Variants in IQSEC3 observed in about 807,000 individuals in gnomAD.
IQSEC3 encodes the protein IQ motif and SEC7 domain-containing protein 3.
Under a neutral mutation model 105.4 loss-of-function variants are expected in IQSEC3, and 50 were observed. The ratio of observed to expected loss-of-function variants is 0.47; its 90% CI spans 0.38 to 0.60. The LOEUF (loss-of-function observed/expected upper bound fraction) is 0.60. Ranked by LOEUF, IQSEC3 falls within the 20% of genes least tolerant of loss-of-function variation. IQSEC3 has a pLI of 0.00. For missense variants in IQSEC3, 1,415 were observed against 1,630.0 expected (o/e 0.87, Z 2.27); for synonymous variants, 708 against 746.0 (o/e 0.95, Z 0.83).
chr12:162,754 T>C (rs782778741), intron 8 of IQSEC3, among the ~76,000 whole-genome samples: 1 of 152,170 alleles, frequency 6.6e-6, no homozygotes, highest in Non-Finnish European at 1.5e-5. Flanking sequence ...TGCAAGCGAC[T>C]GGTTTGTCTT....
rs1205529999 is a variant in IQSEC3 at position 157,475 on chromosome 12, G to A, written c.2277-53G>A. ...GACACCCCCTTCCTTTGTTGGGCCC[G>A]GGGGAGGGTGGGCGGGGGCTCAGCG... On this transcript the variant is annotated intron_variant, in intron 6 of 13. Coordinates refer to ENST00000538872, the MANE Select transcript of IQSEC3 (RefSeq NM_001170738.2). The A allele has an allele frequency of 3.0e-5, 45 of 1,515,008 alleles. No individual in the cohort carries two copies. In the African/African-American group the frequency reaches 5.3e-4, roughly 18 times the overall value. 93.8% of individuals were successfully genotyped at this position (1,515,008 alleles called of 1,614,324 possible). A position where few individuals can be genotyped will look rare whatever the true frequency, so the allele number is the denominator to read the frequency against.
At chr12:88,069 G>A (rs559785253) in intron 1 of IQSEC3, among the ~76,000 whole-genome samples, 10 of 152,200 alleles carry the variant, frequency 6.6e-5, no homozygotes, top group Non-Finnish European at 1.3e-4. Context: ...CTGGCTTCCC[G>A]AAGCAGCAGG....
intron 8 of IQSEC3, 98 bp downstream of exon 8, chr12:162,163 T>C: frequency 2.3e-6 from 3 of 1,329,384 alleles, no homozygotes; most frequent in Admixed American, 4.1e-5. Context: ...AACTCTTTTT[T>C]CATATTCATT....
chr12:92,849 G>A (rs1864132222), intron 1 of IQSEC3, among the ~76,000 whole-genome samples: 1 of 152,202 alleles, frequency 6.6e-6, no homozygotes, highest in Admixed American at 6.5e-5. Context: ...GCTGGTTCTT[G>A]CTGTATTGAG....
chr12:106,637 T>C (rs1456953693), intron 2 of IQSEC3: 3 of 152,260 alleles, frequency 2.0e-5, no homozygotes, highest in East Asian at 3.8e-4. Context: ...GTCCAGGGTA[T>C]TCGGTAATGC....
intron 1 of IQSEC3, among the ~76,000 whole-genome samples, chr12:98,276 A>C (rs1864302273): frequency 6.6e-6 from 1 of 152,196 alleles, no homozygotes; most frequent in Admixed American, 6.5e-5. Flanking sequence ...GGGACCTAGG[A>C]AATCCTCTAG....
intron 2 of IQSEC3, among the ~76,000 whole-genome samples, chr12:105,345 G>T (rs1476365346): frequency 6.6e-6 from 1 of 152,242 alleles, no homozygotes; most frequent in Admixed American, 6.5e-5. Context: ...GTGGGGGCGG[G>T]AATCCTGGGG....
Position 138,394 on chromosome 12 carries a change from A to G in IQSEC3, c.1031A>G (p.Glu344Gly). ...GAGAAAATCCGCAACTCGCTTCTGG[A>G]GAGCCGCCTGCCACGGCGGATCTCC... ...NFEKIRNSLLESRLPRRISLR... is the reference protein window; with the variant it reads ...NFEKIRNSLLGSRLPRRISLR... The change falls in exon 4 of 14, where the codon GAG becomes GGG. Residue 344 changes from glutamate to glycine, a missense_variant. Around this residue, in one of 6 missense-constraint regions of IQSEC3, gnomAD observed 720 missense variants for 633.0 expected, o/e 1.14. Coordinates refer to ENST00000538872, the MANE Select transcript of IQSEC3 (RefSeq NM_001170738.2). The surrounding 1 kb of genome is among the most constrained non-coding windows in gnomAD (Gnocchi z 7.1). 6.2e-7 allele frequency: 1 copy of G among 1,610,546 alleles called. No homozygotes were observed. The highest frequency in any genetic ancestry group is 8.5e-7 in the Non-Finnish European group (1 of 1,179,814).
chr12:166,326 T>G (rs1555098450), intron 11 of IQSEC3: 1 of 175,490 alleles, frequency 5.7e-6, no homozygotes, highest in Non-Finnish European at 1.2e-5. Context: ...CTTTTAATCT[T>G]GAATCATCCC....
chr12:69,996 C>A (rs1863248633), intron 1 of IQSEC3, among the ~76,000 whole-genome samples: 1 of 152,256 alleles, frequency 6.6e-6, no homozygotes, highest in Non-Finnish European at 1.5e-5. Context: ...GGGGAGCTCC[C>A]CGCAGAACTG....
At position 136,588 on chromosome 12, in the gene IQSEC3, A is replaced by G. The variant is rs74055577; in HGVS notation, c.904-1679A>G. On this transcript the variant is annotated intron_variant, in intron 3 of 13. Coordinates refer to ENST00000538872, the MANE Select transcript of IQSEC3 (RefSeq NM_001170738.2). ...TCGCCATCCATGATCCCTGGAGAAC[A>G]ATCTGTACCCTCCCCACCCATGATC... Among the ~76,000 whole-genome samples, 743 of 152,200 alleles carry G rather than the reference A, an allele frequency of 4.9e-3. 5 individuals carry two copies. Among genetic ancestry groups the G allele is most frequent in the African/African-American group, 0.017 (720 of 41,518 alleles).
rs1938830587 is a variant in IQSEC3 at position 169,090 on chromosome 12, C to G, written c.3049C>G (p.Gln1017Glu). 1.2e-6 allele frequency: 2 copies of G among 1,613,804 alleles called. No homozygotes were observed. Among genetic ancestry groups the G allele is most frequent in the African/African-American group, 1.3e-5 (1 of 74,928 alleles). The part of the protein sequence containing the change: ...CGAQGDPQSK[Q>E]GSPTAKREAA... Reference sequence around the variant, plus strand: ...AGCCCAGGGGGACCCACAGTCAAAGCAAGGATCGCCGACAGGTGAGCCTCG... The same window carrying G: ...AGCCCAGGGGGACCCACAGTCAAAGGAAGGATCGCCGACAGGTGAGCCTCG... Residue 1017 changes from glutamine (Q) to glutamate (E), a missense_variant, in exon 12 of 14, where the codon CAA (glutamine) becomes GAA (glutamate). Coordinates refer to ENST00000538872, the MANE Select transcript of IQSEC3 (RefSeq NM_001170738.2).
At position 174,666 on chromosome 12, in the gene IQSEC3, C is replaced by T. The variant is rs779108316; in HGVS notation, c.3182C>T (p.Pro1061Leu). 136 of 1,589,450 alleles carry T rather than the reference C, an allele frequency of 8.6e-5. 1 individual carries two copies. The Middle Eastern group carries it at 2.2e-3, about 26-fold the overall frequency. Reference sequence around the variant, plus strand: ...GGGCTGGGGGCCGAGAGGGGAGCGCCGGTGCCGCCGCCAGACCTGCAGCCT... The same window carrying T: ...GGGCTGGGGGCCGAGAGGGGAGCGCTGGTGCCGCCGCCAGACCTGCAGCCT... ...NSGLGAERGAPVPPPDLQPSP... is the reference protein window; with the variant it reads ...NSGLGAERGALVPPPDLQPSP... The change falls in exon 14 of 14, where the codon CCG (proline) becomes CTG (leucine). Residue 1061 changes from proline (P) to leucine (L), a missense_variant. By Grantham distance (98) the Pro-to-Leu change is moderately conservative (BLOSUM62 -3). Transcript: ENST00000538872.
chr12:159,048 C>G (rs895042927), intron 7 of IQSEC3, among the ~76,000 whole-genome samples: 1 of 152,208 alleles, frequency 6.6e-6, no homozygotes, highest in East Asian at 1.9e-4. Flanking sequence ...CCTTCCCTGA[C>G]CCATCCCACT....
intron 1 of IQSEC3, among the ~76,000 whole-genome samples, chr12:82,616 G>T (rs1555070979): frequency 6.6e-6 from 1 of 152,144 alleles, no homozygotes; most frequent in African/African-American, 2.4e-5. Context: ...ACTCCTGGAG[G>T]AAAGTCATCA....
chr12:131,049 G>T (rs1379395119), intron 3 of IQSEC3, among the ~76,000 whole-genome samples: 4 of 53,432 alleles, frequency 7.5e-5, no homozygotes, highest in African/African-American at 2.2e-4. Flanking sequence ...CCGCTCCTCA[G>T]CACTGTGCCC....
Position 139,368 on chromosome 12 carries a change from G to A in IQSEC3, c.1991+14G>A. 2.0e-6 allele frequency: 3 copies of A among 1,527,476 alleles called. No homozygotes were observed. The highest frequency in any genetic ancestry group is 2.0e-5 in the Admixed American group (1 of 49,338). The allele number at this position is 1,527,476 out of a possible 1,614,324, so 94.6% of individuals were successfully genotyped here. On this transcript the variant is annotated intron_variant, in intron 4 of 13. Coordinates refer to ENST00000538872, the MANE Select transcript of IQSEC3 (RefSeq NM_001170738.2). Reference sequence around the variant, plus strand: ...CCTCTTCAACATGTAAGTCAGCCCCGGCCCCCAGCCCGGAGTCCTGGGCGT... The same window carrying A: ...CCTCTTCAACATGTAAGTCAGCCCCAGCCCCCAGCCCGGAGTCCTGGGCGT...
At chr12:98,388 G>A (rs184614597) in intron 1 of IQSEC3, among the ~76,000 whole-genome samples, 14 of 152,114 alleles carry the variant, frequency 9.2e-5, no homozygotes, top group Non-Finnish European at 1.6e-4. Flanking sequence ...TCAGAGTCCT[G>A]GGGGGAAGGG....
At chr12:173,669 G>A (rs1265603738) in intron 13 of IQSEC3, among the ~76,000 whole-genome samples, 1 of 152,214 alleles carries the variant, frequency 6.6e-6, no homozygotes, top group Non-Finnish European at 1.5e-5. Context: ...AGACCCAGGG[G>A]TTTGGAGGGG....
Sources: allele counts gnomAD v4.1 joint callset (sites outside exome capture counted in the v4.1 genomes callset), GRCh38; gene constraint gnomAD v4.1.1; regional missense constraint gnomAD v4.1.1; non-coding constraint Gnocchi (gnomAD v3.1); transcripts MANE v1.5; gene names NCBI Gene and HGNC (gene_info 2026-07-23, HGNC 2026-07-21).